Variants in CDH18 observed in about 807,000 individuals in gnomAD.
The protein encoded by CDH18 is cadherin-18.
CDH18 carries 31 observed loss-of-function variants against 67.9 expected under a neutral mutation model. The ratio of observed to expected loss-of-function variants is 0.46; its 90% CI spans 0.34 to 0.62. The LOEUF is 0.62. CDH18 is among the 20% of genes least tolerant of loss of function. CDH18 has a pLI of 0.01. For synonymous variants in CDH18, 362 were observed against 347.2 expected (o/e 1.04, Z -0.48); for missense variants, 890 against 975.5 (o/e 0.91, Z 1.17).
At chr5:20,088,317 C>A (rs995678937) in intron 2 of CDH18, among the ~76,000 whole-genome samples, 3 of 152,318 alleles carry the variant, frequency 2.0e-5, no homozygotes, top group African/African-American at 7.2e-5. Context: ...ATTTGGAGAA[C>A]TGACAAAGGG....
chr5:19,856,886 AT>A (rs967282354), intron 2 of CDH18, among the ~76,000 whole-genome samples: 2 of 151,486 alleles, frequency 1.3e-5, no homozygotes, highest in Non-Finnish European at 2.9e-5. Context: ...CACTGACTCG[AT>A]TTTTTTTTCT....
Position 20,380,513 on chromosome 5 carries a change from C to T in CDH18, c.-579-125008G>A, listed in dbSNP as rs180963384. Among the ~76,000 whole-genome samples the T allele has an allele frequency of 2.1e-3, 325 of 152,202 alleles. 1 individual carries two copies. Among genetic ancestry groups the T allele is most frequent in the African/African-American group, 6.4e-3 (265 of 41,522 alleles). ...TTGTACTTAACCACGGTTTTTAGCA[C>T]GTAATTTTGTTGTTATGCAGTGGCC... On this transcript the variant is annotated intron_variant, in intron 1 of 14. Transcript: ENST00000507958.
chr5:20,313,472 A>G (rs765898887), intron 1 of CDH18, among the ~76,000 whole-genome samples: 21 of 152,130 alleles, frequency 1.4e-4, no homozygotes, highest in Non-Finnish European at 2.6e-4. Flanking sequence ...TATCTGATGT[A>G]AAACTGTATT....
chr5:19,767,741 G>A (rs1054840007), intron 3 of CDH18, among the ~76,000 whole-genome samples: 2 of 151,920 alleles, frequency 1.3e-5, no homozygotes, highest in African/African-American at 2.4e-5. Flanking sequence ...TAGAAATGGT[G>A]GAAAAACAAC....
intron 6 of CDH18, among the ~76,000 whole-genome samples, chr5:19,593,839 C>T (rs1448951997): frequency 6.6e-6 from 1 of 151,362 alleles, no homozygotes; most frequent in Non-Finnish European, 1.5e-5. Flanking sequence ...ATATTTCATT[C>T]CACTTCACAG....
chr5:19,701,914 G>T (rs1176716423), intron 5 of CDH18, among the ~76,000 whole-genome samples: 1 of 152,110 alleles, frequency 6.6e-6, no homozygotes, highest in Non-Finnish European at 1.5e-5. Context: ...TCTACGGAAT[G>T]CATGCATGTT....
chr5:19,688,546 C>T (rs1761433632), intron 5 of CDH18, among the ~76,000 whole-genome samples: 1 of 152,100 alleles, frequency 6.6e-6, no homozygotes, highest in African/African-American at 2.4e-5. Context: ...AAAAAGTCTT[C>T]CTCTAAGAAA....
chr5:20,450,113 G>T (rs1750319297), intron 1 of CDH18, among the ~76,000 whole-genome samples: 1 of 151,972 alleles, frequency 6.6e-6, no homozygotes, highest in Non-Finnish European at 1.5e-5. Flanking sequence ...TGAGGCGGGT[G>T]GATCACCTGA....
intron 2 of CDH18, among the ~76,000 whole-genome samples, chr5:20,245,923 A>G (rs1392622118): frequency 1.3e-5 from 2 of 152,152 alleles, no homozygotes; most frequent in African/African-American, 4.8e-5. Context: ...TAAGCCCTTA[A>G]GCAGAAAGGG....
intron 2 of CDH18, among the ~76,000 whole-genome samples, chr5:19,866,154 ACATGAAGCATTTTCTCGCTAC>A (rs1785465535): frequency 1.3e-5 from 2 of 152,254 alleles, no homozygotes; most frequent in Non-Finnish European, 2.9e-5. Context: ...CTCTTAAAAC[ACATGAAGCATTTTCTCGCTAC>A]AAAATGAAGC....
intron 7 of CDH18, among the ~76,000 whole-genome samples, chr5:19,586,715 T>C (rs1744208290): frequency 6.6e-6 from 1 of 152,194 alleles, no homozygotes; most frequent in Admixed American, 6.5e-5. Flanking sequence ...TTCCTTTGGG[T>C]ATATACCCAG....
intron 1 of CDH18, among the ~76,000 whole-genome samples, chr5:20,545,118 C>T (rs986577266): frequency 3.0e-4 from 45 of 152,178 alleles, no homozygotes; most frequent in African/African-American, 1.1e-3. Flanking sequence ...GATTCCATGT[C>T]TCACATCCAG....
intron 2 of CDH18, among the ~76,000 whole-genome samples, chr5:19,965,162 T>C (rs977832590): frequency 2.6e-5 from 4 of 152,178 alleles, no homozygotes; most frequent in Non-Finnish European, 5.9e-5. Context: ...TTTTAAACAA[T>C]AGATCTATCT....
chr5:20,125,035 T>C (rs1748699220), intron 2 of CDH18, among the ~76,000 whole-genome samples: 1 of 152,160 alleles, frequency 6.6e-6, no homozygotes, highest in African/African-American at 2.4e-5. Context: ...GAGAGGAGGA[T>C]GATTTGTCAC....
At chr5:19,553,745 A>T (rs918607375) in intron 8 of CDH18, among the ~76,000 whole-genome samples, 3 of 149,678 alleles carry the variant, frequency 2.0e-5, no homozygotes, top group African/African-American at 7.4e-5. Context: ...GGCTCAAGTG[A>T]TCCTCCCAAC....
At chr5:19,739,818 A>G (rs1225772396) in intron 4 of CDH18, among the ~76,000 whole-genome samples, 1 of 152,144 alleles carries the variant, frequency 6.6e-6, no homozygotes, top group East Asian at 1.9e-4. Context: ...GGCTACTAGA[A>G]TCTTGGCAGA....
intron 2 of CDH18, among the ~76,000 whole-genome samples, chr5:19,930,164 C>G (rs963848045): frequency 3.9e-5 from 6 of 151,974 alleles, no homozygotes; most frequent in Non-Finnish European, 7.4e-5. Context: ...ATGAAGAAAA[C>G]GGAACAAAGG....
At chr5:19,738,025 A>C (rs779915564) in intron 4 of CDH18, among the ~76,000 whole-genome samples, 5 of 152,176 alleles carry the variant, frequency 3.3e-5, no homozygotes, top group Admixed American at 6.5e-5. Context: ...TCATGAATGG[A>C]TATGATAAAT....
At position 19,869,784 on chromosome 5, in the gene CDH18, C is replaced by T. The variant is rs544974632; in HGVS notation, c.-256-30542G>A. ...ATTTGGGACAGCTAATGAGTAGTTC[C>T]GTTTCAATTCACATTTCTAGATAAT... On this transcript the variant is annotated intron_variant, in intron 2 of 12. Coordinates refer to ENST00000382275, the MANE Select transcript of CDH18 (RefSeq NM_004934.5). Among the ~76,000 whole-genome samples, 17 of 152,098 alleles carry T rather than the reference C, an allele frequency of 1.1e-4. No homozygotes were observed. In the South Asian group the frequency reaches 2.3e-3, roughly 20 times the overall value.
Sources: allele counts gnomAD v4.1 joint callset (sites outside exome capture counted in the v4.1 genomes callset), GRCh38; gene constraint gnomAD v4.1.1; transcripts MANE v1.5; gene names NCBI Gene and HGNC (gene_info 2026-07-23, HGNC 2026-07-21).